MAPK10: variants seen among roughly 807,000 people sequenced by gnomAD.
MAPK10 encodes the protein JNK3 alpha protein kinase.
A neutral mutation model predicts 59.3 loss-of-function variants in MAPK10; 25 were observed. The ratio of observed to expected loss-of-function variants is 0.42; its 90% CI spans 0.31 to 0.59. The LOEUF is 0.59. Among genes scored for constraint, MAPK10 ranks in the 20% least tolerant of loss-of-function variants. The pLI is 0.15. For missense variants in MAPK10, 351 were observed against 568.9 expected, an observed-to-expected ratio of 0.62 and a Z score of 3.90; for synonymous variants, 190 against 200.5, an observed-to-expected ratio of 0.95 and a Z score of 0.44.
chr4:86,337,337 G>T (rs1268617087), intron 2 of MAPK10, among the ~76,000 whole-genome samples: 1 of 152,146 alleles, frequency 6.6e-6, no homozygotes, highest in Non-Finnish European at 1.5e-5. Flanking sequence ...TAAGAGGTTG[G>T]TGGTCACCTT....
At chr4:86,438,060 G>A (rs1748974767) in intron 1 of MAPK10, among the ~76,000 whole-genome samples, 1 of 152,150 alleles carries the variant, frequency 6.6e-6, no homozygotes, top group South Asian at 2.1e-4. Flanking sequence ...ATAATGCTAG[G>A]AATTCAGGGC....
In MAPK10 at chr4:86,139,303, C is replaced by T. The variant is rs951575288; in HGVS notation, c.236+19995G>A. Among the ~76,000 whole-genome samples, 191 of 150,190 alleles carry T rather than the reference C, an allele frequency of 1.3e-3. 2 individuals are homozygous for T. The highest frequency in any genetic ancestry group is 4.6e-3 in the African/African-American group (183 of 39,704). ...AACTATACTACAAGGCTACAGTAAC[C>T]AAAACAGCATGTTACTGGTACCAAA... On this transcript the variant is annotated intron_variant, in intron 4 of 13. Coordinates refer to ENST00000641462, the MANE Select transcript of MAPK10 (RefSeq NM_138982.4).
intron 2 of MAPK10, among the ~76,000 whole-genome samples, chr4:86,245,059 C>T (rs551102253): frequency 3.3e-5 from 5 of 152,296 alleles, no homozygotes; most frequent in African/African-American, 1.2e-4. Context: ...ATCTGCTCAA[C>T]ATTCTATTTC....
At chr4:86,045,619 C>G (rs189142903) in intron 11 of MAPK10, among the ~76,000 whole-genome samples, 1 of 151,968 alleles carries the variant, frequency 6.6e-6, no homozygotes, top group African/African-American at 2.4e-5. Flanking sequence ...TGCCCCACTT[C>G]CTAGTGAATG....
intron 1 of MAPK10, among the ~76,000 whole-genome samples, chr4:86,467,513 T>TTTTGTTTG (rs58369823): frequency 2.2e-3 from 332 of 150,920 alleles, no homozygotes; most frequent in Non-Finnish European, 3.4e-3. Context: ...AAAACAGCAT[T>TTTTGTTTG]TTTGTTTGTT....
At chr4:86,431,196 C>T (rs895672023) in intron 1 of MAPK10, among the ~76,000 whole-genome samples, 3 of 152,066 alleles carry the variant, frequency 2.0e-5, no homozygotes, top group Admixed American at 6.6e-5. Flanking sequence ...TACACTCATA[C>T]CAGGCAAAGA....
chr4:86,463,466 A>G (rs1049733143), intron 1 of MAPK10, among the ~76,000 whole-genome samples: 1 of 152,232 alleles, frequency 6.6e-6, no homozygotes, highest in Non-Finnish European at 1.5e-5. Flanking sequence ...ATTATTCATT[A>G]TATGGATGAT....
intron 2 of MAPK10, chr4:86,332,724 C>T (rs964477493): frequency 1.3e-5 from 2 of 152,066 alleles, no homozygotes; most frequent in African/African-American, 4.8e-5. Flanking sequence ...GTGATCTAAC[C>T]AACCTAGACA....
intron 2 of MAPK10, among the ~76,000 whole-genome samples, chr4:86,294,922 C>T (rs1476189154): frequency 6.6e-6 from 1 of 152,182 alleles, no homozygotes; most frequent in Admixed American, 6.5e-5. Context: ...AAGCAATTCA[C>T]AGAGCTCAAA....
At chr4:86,103,317 T>A in intron 5 of MAPK10, 73 bp from the exon 6 acceptor site, 2 of 832,998 alleles carry the variant, frequency 2.4e-6, no homozygotes, top group Non-Finnish European at 4.1e-6. Flanking sequence ...TTTTAAATTG[T>A]ATTTCAACTC....
chr4:86,455,407 A>G (rs2149058118), upstream of MAPK10, among the ~76,000 whole-genome samples: 1 of 152,316 alleles, frequency 6.6e-6, no homozygotes, highest in East Asian at 1.9e-4. Flanking sequence ...AAACTTCAAG[A>G]GACACACCTA....
At chr4:86,360,160 T>A (rs1422002337), upstream of MAPK10, 1 of 985,576 alleles carries the variant, frequency 1.0e-6, no homozygotes, top group African/African-American at 1.8e-5. Context: ...GGGAGGGGGA[T>A]GAGGGGGAAA....
intron 2 of MAPK10, among the ~76,000 whole-genome samples, chr4:86,236,776 G>A (rs988308858): frequency 1.3e-5 from 2 of 152,034 alleles, no homozygotes; most frequent in Non-Finnish European, 2.9e-5. Context: ...AGTAAAAGCA[G>A]GGAAGAAGGT....
At position 86,547,955 on chromosome 4, in the gene MAPK10, G is replaced by A. The variant is rs547144242; in HGVS notation, c.-263+45955C>T. Among the ~76,000 whole-genome samples, 10 of 152,106 alleles carry A rather than the reference G, an allele frequency of 6.6e-5. No homozygotes were observed. The East Asian group carries it at 1.7e-3, about 27-fold the overall frequency. On this transcript the variant is annotated intron_variant, in intron 1 of 4. Transcript: ENST00000502302. ...AGCGCCCTGTCAAAACAGACCACTC[G>A]GCTCTACCAATCAGCAGGATGTGGG...
chr4:86,546,645 T>C (rs1297382778), intron 1 of MAPK10, among the ~76,000 whole-genome samples: 1 of 152,022 alleles, frequency 6.6e-6, no homozygotes, highest in African/African-American at 2.4e-5. Context: ...AGGTCCTATG[T>C]GACTGCACAA....
At chr4:86,474,076 C>T (rs1669181255) in intron 1 of MAPK10, among the ~76,000 whole-genome samples, 1 of 152,158 alleles carries the variant, frequency 6.6e-6, no homozygotes, top group South Asian at 2.1e-4. Flanking sequence ...GATCATGCAC[C>T]ACATGTAACT....
rs547305508 is a variant in MAPK10 at position 86,421,520 on chromosome 4, C to T, written c.-122+31510G>A. ...GAGGATGATAAACTGTAGAGTCATCCTCTTCATAGAGGAGGTAGCATCTGA... is the reference window on the plus strand; with the variant it reads ...GAGGATGATAAACTGTAGAGTCATCTTCTTCATAGAGGAGGTAGCATCTGA... On this transcript the variant is annotated intron_variant, in intron 1 of 13. Transcript: ENST00000361569. Among the ~76,000 whole-genome samples the T allele has an allele frequency of 3.9e-5, 6 of 152,224 alleles. No individual in the cohort carries two copies. The East Asian group carries it at 1.2e-3, about 29-fold the overall frequency.
intron 1 of MAPK10, among the ~76,000 whole-genome samples, chr4:86,511,947 A>G (rs1756306633): frequency 6.6e-6 from 1 of 151,738 alleles, no homozygotes; most frequent in Admixed American, 6.6e-5. Flanking sequence ...ACAGATTTTA[A>G]TAACTAAAGT....
chr4:86,383,189 C>T (rs1340328129), intron 1 of MAPK10, among the ~76,000 whole-genome samples: 1 of 152,130 alleles, frequency 6.6e-6, no homozygotes, highest in East Asian at 1.9e-4. Context: ...CCTTTGGTGG[C>T]TATAAGACTG....
Sources: allele counts gnomAD v4.1 joint callset (sites outside exome capture counted in the v4.1 genomes callset), GRCh38; gene constraint gnomAD v4.1.1; transcripts MANE v1.5; gene names NCBI Gene and HGNC (gene_info 2026-07-23, HGNC 2026-07-21).